TMEM170A: variants seen among roughly 807,000 people sequenced by gnomAD.
The protein encoded by TMEM170A is transmembrane protein 170A, also known as transmembrane protein 170.
In TMEM170A, 18 loss-of-function variants were observed where a neutral mutation model predicts 12.8. The observed-to-expected ratio is 1.41, with a 90% CI of 0.97 to 2.09. TMEM170A has a LOEUF of 2.09. Ranked by LOEUF, TMEM170A falls within the 30% of genes most tolerant of loss-of-function variation. TMEM170A has a pLI of 0.00. For synonymous variants in TMEM170A, 107 were observed against 76.2 expected (o/e 1.40, Z -2.11); for missense variants, 220 against 179.9 (o/e 1.22, Z -1.28).
intron 1 of TMEM170A, among the ~76,000 whole-genome samples, chr16:75,460,490 C>G (rs1344032777): frequency 6.6e-6 from 1 of 152,162 alleles, no homozygotes; most frequent in Admixed American, 6.5e-5. Flanking sequence ...TCTGAATCTG[C>G]TGCTCCCTGG....
chr16:75,463,779 T>G (rs920703437), intron 1 of TMEM170A, among the ~76,000 whole-genome samples: 2 of 152,206 alleles, frequency 1.3e-5, no homozygotes, highest in Non-Finnish European at 2.9e-5. Context: ...GCGCTCTTCC[T>G]GGCATTAGAA....
intron 1 of TMEM170A, among the ~76,000 whole-genome samples, chr16:75,463,950 G>C (rs983441479): frequency 6.6e-6 from 1 of 152,260 alleles, no homozygotes; most frequent in African/African-American, 2.4e-5. Flanking sequence ...TCTCGGAGGG[G>C]GAGGATTTAG....
rs2079569948 is a variant in TMEM170A at position 75,445,538 on chromosome 16, C to T, written c.*2020G>A. 6.6e-6 allele frequency: 1 copy of T among 152,252 alleles called. No individual in the cohort carries two copies. The highest frequency in any genetic ancestry group is 1.5e-5 in the Non-Finnish European group (1 of 68,128). 9.4% of individuals were successfully genotyped at this position (152,252 alleles called of 1,614,324 possible). ...TCTTGAACTCTTGGGCTCAAGCAAT[C>T]CTCCCACATCGACCTCCCAAAGTGC... is the stretch of plus-strand genomic sequence containing the variant. On this transcript the variant is annotated 3_prime_UTR_variant, in exon 3 of 3. Coordinates refer to ENST00000561878, the MANE Select transcript of TMEM170A (RefSeq NM_145254.3).
rs2079557925 is a variant in TMEM170A, at chr16:75,444,895, G to C, written c.*2663C>G. Reference sequence around the variant, plus strand: ...GCCCTAATTTTAAGTCTTAGCTCCAGTGAAAAATATCTAACATTTTAATCA... The same window carrying C: ...GCCCTAATTTTAAGTCTTAGCTCCACTGAAAAATATCTAACATTTTAATCA... On this transcript the variant is annotated 3_prime_UTR_variant, in exon 3 of 3. Transcript: ENST00000561878. 1 of 152,150 alleles carries C rather than the reference G, an allele frequency of 6.6e-6. No individual in the cohort carries two copies. The highest frequency in any genetic ancestry group is 1.5e-5 in the Non-Finnish European group (1 of 68,016). 9.4% of individuals were successfully genotyped at this position (152,150 alleles called of 1,614,324 possible).
At chr16:75,455,958 T>C (rs567144036) in intron 1 of TMEM170A, among the ~76,000 whole-genome samples, 1 of 152,184 alleles carries the variant, frequency 6.6e-6, no homozygotes, top group East Asian at 1.9e-4. Flanking sequence ...ATTAGCACTG[T>C]AAGCACACTG....
intron 1 of TMEM170A, among the ~76,000 whole-genome samples, chr16:75,454,133 T>G (rs1310383152): frequency 1.3e-5 from 2 of 150,790 alleles, no homozygotes; most frequent in East Asian, 3.9e-4. Context: ...CTATTGACAT[T>G]TGGACCAGAT....
At position 75,447,603 on chromosome 16, in the gene TMEM170A, A is replaced by T; in HGVS notation, c.390T>A (p.Phe130Leu). The change falls in exon 3 of 3, where the codon TTT becomes TTA. Residue 130 changes from phenylalanine (F) to leucine (L), a missense_variant. Phe to Leu is a conservative substitution (Grantham distance 22). Transcript: ENST00000561878. ...EALTLGTGQT[F>L]CVLVVSFLRI... Reference sequence around the variant, plus strand: ...GTAAAAAGGAGACCACCAAGACGCAAAATGTCTGTCCAGTGCCCAGTGTGA... The same window carrying T: ...GTAAAAAGGAGACCACCAAGACGCATAATGTCTGTCCAGTGCCCAGTGTGA... The T allele has an allele frequency of 6.2e-7, 1 of 1,613,760 alleles. No homozygotes were observed. The highest frequency in any genetic ancestry group is 8.5e-7 in the Non-Finnish European group (1 of 1,179,906).
chr16:75,459,684 C>T (rs1044816428), intron 1 of TMEM170A, among the ~76,000 whole-genome samples: 1 of 152,014 alleles, frequency 6.6e-6, no homozygotes, highest in Non-Finnish European at 1.5e-5. Flanking sequence ...CAGTGAAACC[C>T]CATCTCTACT....
At chr16:75,451,867 G>A (rs780803501) in intron 1 of TMEM170A, 28 bp from the exon 2 acceptor site, 11 of 1,580,656 alleles carry the variant, frequency 7.0e-6, no homozygotes, top group Non-Finnish European at 9.5e-6. Flanking sequence ...GAAAAGTTGT[G>A]AATCACTGCC....
chr16:75,454,098 G>C (rs1021467231), intron 1 of TMEM170A, among the ~76,000 whole-genome samples: 1 of 152,152 alleles, frequency 6.6e-6, no homozygotes, highest in Non-Finnish European at 1.5e-5. Flanking sequence ...AGCTCAGCAG[G>C]GTTTCTTGAC....
At chr16:75,454,629 C>G (rs78056552) in intron 1 of TMEM170A, among the ~76,000 whole-genome samples, 6 of 151,798 alleles carry the variant, frequency 4.0e-5, no homozygotes, top group Admixed American at 3.9e-4. Flanking sequence ...AATGACACTC[C>G]GTCTCAAAAA....
chr16:75,452,094 C>G (rs2079699157), intron 1 of TMEM170A, among the ~76,000 whole-genome samples: 1 of 152,140 alleles, frequency 6.6e-6, no homozygotes, highest in Non-Finnish European at 1.5e-5. Context: ...GCCTCAGCCT[C>G]CCGAGTAGCT....
At chr16:75,464,360 C>G in intron 1 of TMEM170A, 108 bp downstream of exon 1, 2 of 1,361,492 alleles carry the variant, frequency 1.5e-6, no homozygotes, top group South Asian at 3.5e-5. Context: ...ACAGCGCCCA[C>G]GCCGCCAGCA....
Position 75,464,477 on chromosome 16 carries a change from A to G in TMEM170A, c.124T>C (p.Ser42Pro), listed in dbSNP as rs2079963096. The G allele has an allele frequency of 6.5e-7, 1 of 1,545,394 alleles. No individual in the cohort carries two copies. Among genetic ancestry groups the G allele is most frequent in the Non-Finnish European group, 8.7e-7 (1 of 1,150,616 alleles). Residue 42 changes from serine to proline, a missense_variant, in exon 1 of 3, where the codon TCC becomes CCC. Physicochemically the swap from Ser to Pro is moderately conservative, Grantham distance 74 (BLOSUM62 -1). Transcript: ENST00000561878. ...GCGGGGCGGGCCGTACCTGGGAAGG[A>G]GCAGAGGGAAGTAGAGTTGGGGCAC... ...TLCPNSTSLCSFPEMWYGVFL... is the reference protein window; with the variant it reads ...TLCPNSTSLCPFPEMWYGVFL...
rs914289281 is a variant in TMEM170A, at chr16:75,445,475, G to A, written c.*2083C>T. 3.9e-5 allele frequency: 6 copies of A among 151,948 alleles called. No homozygotes were observed. Among genetic ancestry groups the A allele is most frequent in the Middle Eastern group, 3.4e-3 (1 of 294 alleles). The allele number at this position is 151,948 out of a possible 1,614,324, so 9.4% of individuals were successfully genotyped here. A position where few individuals can be genotyped will look rare whatever the true frequency, so the allele number is the denominator to read the frequency against. On this transcript the variant is annotated 3_prime_UTR_variant, in exon 3 of 3. Transcript: ENST00000561878. ...CGCCCAGCTAATTTTTTTTTATTTT[G>A]TAGTAGAGACAAGGTCTCACTATGT... is the stretch of plus-strand genomic sequence containing the variant.
Position 75,444,583 on chromosome 16 carries a change from T to G in TMEM170A, c.*2975A>C, listed in dbSNP as rs1364451849. ...ACACAATTGCCAATATTCTTCCATCTGAGTGACCACCCCCAAATAATTCTA... is the reference window on the plus strand; with the variant it reads ...ACACAATTGCCAATATTCTTCCATCGGAGTGACCACCCCCAAATAATTCTA... On this transcript the variant is annotated 3_prime_UTR_variant, in exon 3 of 3. Coordinates refer to ENST00000561878, the MANE Select transcript of TMEM170A (RefSeq NM_145254.3). 6.6e-6 allele frequency: 1 copy of G among 152,234 alleles called. No individual in the cohort carries two copies. 9.4% of individuals were successfully genotyped at this position (152,234 alleles called of 1,614,324 possible).
chr16:75,445,230 A>C lies in TMEM170A; in HGVS notation c.*2328T>G, dbSNP rs566929468. The C allele has an allele frequency of 2.0e-5, 3 of 152,370 alleles. No individual in the cohort carries two copies. The South Asian group carries it at 6.2e-4, about 32-fold the overall frequency. 9.4% of individuals were successfully genotyped at this position (152,370 alleles called of 1,614,324 possible). On this transcript the variant is annotated 3_prime_UTR_variant, in exon 3 of 3. Transcript: ENST00000561878. ...GCTTCTTGTTAGGGAATTTGTAAGA[A>C]TATTTGGCTGCATTACAACTCTACT...
chr16:75,447,504 C>CT lies in TMEM170A; in HGVS notation c.*53dup. On this transcript the variant is annotated 3_prime_UTR_variant, in exon 3 of 3. Coordinates refer to ENST00000561878, the MANE Select transcript of TMEM170A (RefSeq NM_145254.3). Reference sequence around the variant, plus strand: ...AAAACACTACACTCCATAATGTATTCTTTTGGAGGATTCCATAAAGTTTAA... The same window carrying CT: ...AAAACACTACACTCCATAATGTATTCTTTTTGGAGGATTCCATAAAGTTTAA... The CT allele has an allele frequency of 1.3e-6, 2 of 1,565,460 alleles. No individual in the cohort carries two copies. Among genetic ancestry groups the CT allele is most frequent in the Non-Finnish European group, 1.7e-6 (2 of 1,159,176 alleles).
chr16:75,463,188 AG>A (rs1272254296), intron 1 of TMEM170A, among the ~76,000 whole-genome samples: 1 of 152,174 alleles, frequency 6.6e-6, no homozygotes. Context: ...GACATTTTTC[AG>A]GAAAGGGGAA....
Sources: gnomAD v4.1 joint callset for allele counts (sites outside exome capture counted in the v4.1 genomes callset) on GRCh38, gnomAD v4.1.1 for gene constraint, MANE v1.5 for transcripts, NCBI Gene and HGNC (gene_info 2026-07-23, HGNC 2026-07-21) for gene names.